Variants in VLDLR observed in about 807,000 individuals in gnomAD.
The protein encoded by VLDLR is very low density lipoprotein receptor.
In VLDLR, 81 loss-of-function variants were observed where a neutral mutation model predicts 112.7. The observed-to-expected ratio is 0.72, with a 90% CI of 0.60 to 0.86. The LOEUF is 0.86. VLDLR is among the 40% of genes least tolerant of loss of function. The pLI is 0.00. For missense variants in VLDLR, 1,237 were observed against 1,099.4 expected (o/e 1.13, Z -1.77); for synonymous variants, 436 against 384.8 (o/e 1.13, Z -1.56).
chr9:2,651,133 C>A (rs979722199), intron 15 of VLDLR, among the ~76,000 whole-genome samples: 1 of 152,110 alleles, frequency 6.6e-6, no homozygotes, highest in Non-Finnish European at 1.5e-5. Context: ...CTCGTAGTTT[C>A]CAGGAACATG....
chr9:2,634,551 C>T (rs1284771925), intron 1 of VLDLR, among the ~76,000 whole-genome samples: 1 of 152,228 alleles, frequency 6.6e-6, no homozygotes, highest in Non-Finnish European at 1.5e-5. Context: ...CCGGGCAAAA[C>T]ACCAACTGTC....
chr9:2,653,413 C>T (rs1818442276), intron 18 of VLDLR, among the ~76,000 whole-genome samples: 1 of 152,146 alleles, frequency 6.6e-6, no homozygotes, highest in African/African-American at 2.4e-5. Context: ...TTTCTTCCAG[C>T]AATAGTCACT....
chr9:2,622,062 T>C lies in VLDLR; in HGVS notation c.-128T>C. On this transcript the variant is annotated 5_prime_UTR_variant, in exon 1 of 19. Coordinates refer to ENST00000382100, the MANE Select transcript of VLDLR (RefSeq NM_003383.5). ...CCCGCTCCCTTCCCCCGCCAACTCC[T>C]TCCCCTCCTTCTCCCCCTTTCCCCT... 1 of 813,666 alleles carries C rather than the reference T, an allele frequency of 1.2e-6. No individual in the cohort carries two copies. Among genetic ancestry groups the C allele is most frequent in the Non-Finnish European group, 1.8e-6 (1 of 553,488 alleles). 50.4% of individuals were successfully genotyped at this position (813,666 alleles called of 1,614,324 possible).
intron 1 of VLDLR, among the ~76,000 whole-genome samples, chr9:2,631,125 T>A (rs1817332727): frequency 6.6e-6 from 1 of 152,328 alleles, no homozygotes; most frequent in African/African-American, 2.4e-5. Context: ...TATAATCTTA[T>A]ACCAGTCAGA....
In VLDLR at chr9:2,650,529, G is replaced by A; in HGVS notation, c.2251+13G>A. Reference sequence around the variant, plus strand: ...CGAGACTGTCAAAGTAAGGCATTTTGTGTTTCAACCACAAGTAGAACCTAC... The same window carrying A: ...CGAGACTGTCAAAGTAAGGCATTTTATGTTTCAACCACAAGTAGAACCTAC... On this transcript the variant is annotated intron_variant, in intron 15 of 18. Transcript: ENST00000382100. 1 of 1,612,726 alleles carries A rather than the reference G, an allele frequency of 6.2e-7. No homozygotes were observed. The highest frequency in any genetic ancestry group is 8.5e-7 in the Non-Finnish European group (1 of 1,179,922).
chr9:2,643,729 G>A lies in VLDLR; in HGVS notation c.922G>A (p.Asp308Asn), dbSNP rs748931860. 5.6e-6 allele frequency: 9 copies of A among 1,614,062 alleles called. No individual in the cohort carries two copies. Among genetic ancestry groups the A allele is most frequent in the Middle Eastern group, 1.6e-4 (1 of 6,084 alleles). ...TATCCGAGACTGTGTCGATGGTTCC[G>A]ATGAAGTCAACTGCAAAAATGGTAA... Reference protein sequence around the residue: ...NGIRDCVDGSDEVNCKNVNQC... With the variant: ...NGIRDCVDGSNEVNCKNVNQC... The change falls in exon 6 of 19, where the codon GAT becomes AAT. Residue 308 changes from aspartate (D) to asparagine (N), a missense_variant. By Grantham distance (23) the Asp-to-Asn change is conservative. Transcript: ENST00000382100.
intron 4 of VLDLR, among the ~76,000 whole-genome samples, chr9:2,642,434 T>A (rs907328347): frequency 3.9e-5 from 6 of 152,222 alleles, no homozygotes; most frequent in African/African-American, 1.4e-4. Context: ...TAAGCCCTGG[T>A]GCTGCCAAGT....
Position 2,650,405 on chromosome 9 carries a change from G to C in VLDLR, c.2140G>C (p.Gly714Arg). ...GTGTGAAGAAGACATGGAGAATGGA[G>C]GATGTGAATACCTATGCCTGCCAGC... Reference protein sequence around the residue: ...NWCEEDMENGGCEYLCLPAPQ... With the variant: ...NWCEEDMENGRCEYLCLPAPQ... The change falls in exon 15 of 19, where the codon GGA becomes CGA. Residue 714 changes from glycine (G) to arginine (R), a missense_variant. Gly to Arg is a moderately radical substitution (Grantham distance 125). Coordinates refer to ENST00000382100, the MANE Select transcript of VLDLR (RefSeq NM_003383.5). 1 of 1,614,070 alleles carries C rather than the reference G, an allele frequency of 6.2e-7. No individual in the cohort carries two copies. The highest frequency in any genetic ancestry group is 8.5e-7 in the Non-Finnish European group (1 of 1,180,008).
In VLDLR at chr9:2,655,871, G is replaced by T. The variant is rs1818581283; in HGVS notation, c.*2003G>T. 1 of 152,026 alleles carries T rather than the reference G, an allele frequency of 6.6e-6. No homozygotes were observed. Among genetic ancestry groups the T allele is most frequent in the African/African-American group, 2.4e-5 (1 of 41,378 alleles). The allele number at this position is 152,026 out of a possible 1,614,324, so 9.4% of individuals were successfully genotyped here. ...GCTGAAGTGCCTGTTTGGTAAGTAG[G>T]TTAGCATTCATCATGAACTCTGAAA... On this transcript the variant is annotated 3_prime_UTR_variant, in exon 19 of 19. Transcript: ENST00000382100.
At chr9:2,645,814 A>C in intron 10 of VLDLR, 69 bp downstream of exon 10, 1 of 1,585,806 alleles carries the variant, frequency 6.3e-7, no homozygotes, top group Non-Finnish European at 8.6e-7. Context: ...TCTGTGGGAT[A>C]GTTTGGAGGA....
At position 2,654,514 on chromosome 9, in the gene VLDLR, C is replaced by G. The variant is rs896834892; in HGVS notation, c.*646C>G. 5.1e-5 allele frequency: 8 copies of G among 156,882 alleles called. No homozygotes were observed. The highest frequency in any genetic ancestry group is 9.9e-5 in the Non-Finnish European group (7 of 70,732). 9.7% of individuals were successfully genotyped at this position (156,882 alleles called of 1,614,324 possible). A position where few individuals can be genotyped will look rare whatever the true frequency, so the allele number is the denominator to read the frequency against. On this transcript the variant is annotated 3_prime_UTR_variant, in exon 19 of 19. Transcript: ENST00000382100. ...TGTGCCTGTTCCTCTAGGATGAACTCCTATCCTGAGTAGTACCAAGTGTTC... is the reference window on the plus strand; with the variant it reads ...TGTGCCTGTTCCTCTAGGATGAACTGCTATCCTGAGTAGTACCAAGTGTTC...
chr9:2,642,937 A>G (rs1378789777), intron 4 of VLDLR, among the ~76,000 whole-genome samples: 1 of 152,064 alleles, frequency 6.6e-6, no homozygotes, highest in Non-Finnish European at 1.5e-5. Flanking sequence ...GTCTTCAACT[A>G]TTTTCTTGGT....
chr9:2,652,413 A>G (rs1003213103), intron 17 of VLDLR, among the ~76,000 whole-genome samples: 2 of 152,216 alleles, frequency 1.3e-5, no homozygotes, highest in African/African-American at 2.4e-5. Context: ...CGCAAATTCT[A>G]AGGACTTTGC....
intron 3 of VLDLR, 121 bp from the exon 4 acceptor site, chr9:2,641,256 A>G: frequency 6.6e-7 from 1 of 1,513,098 alleles, no homozygotes. Flanking sequence ...GCCAGTTAGT[A>G]GAATTTCACC....
chr9:2,631,480 A>T (rs1817347469), intron 1 of VLDLR, among the ~76,000 whole-genome samples: 1 of 152,254 alleles, frequency 6.6e-6, no homozygotes, highest in African/African-American at 2.4e-5. Context: ...CTATTCAGCC[A>T]TGAAAATGAA....
At chr9:2,630,924 T>G (rs1436194817) in intron 1 of VLDLR, among the ~76,000 whole-genome samples, 1 of 152,158 alleles carries the variant, frequency 6.6e-6, no homozygotes, top group African/African-American at 2.4e-5. Flanking sequence ...TGCAAACTAT[T>G]ATCTGACAGG....
At position 2,644,683 on chromosome 9, in the gene VLDLR, A is replaced by C. The variant is rs1387925029; in HGVS notation, c.1067-51A>C. The C allele has an allele frequency of 3.7e-6, 6 of 1,612,872 alleles. No homozygotes were observed. The Middle Eastern group carries it at 6.6e-4, about 177-fold the overall frequency. The stretch of plus-strand genomic sequence containing the variant: ...AAATAGCCTGGGTTTTAAATGTGAA[A>C]GATATTAATTGAAAATAAGTTGTCA... On this transcript the variant is annotated intron_variant, in intron 7 of 18. Transcript: ENST00000382100.
At chr9:2,622,832 G>C (rs1238359867) in intron 1 of VLDLR, among the ~76,000 whole-genome samples, 1 of 152,088 alleles carries the variant, frequency 6.6e-6, no homozygotes, top group Non-Finnish European at 1.5e-5. Context: ...GGGAGGCTCC[G>C]CGGAGCCGAG....
chr9:2,645,442 T>G (rs1256984190), intron 9 of VLDLR, 132 bp from the exon 10 acceptor site: 3 of 1,174,284 alleles, frequency 2.6e-6, no homozygotes, highest in Non-Finnish European at 2.5e-6. Flanking sequence ...GGGCAGGAAC[T>G]CCAGAACAGA....
Sources: gnomAD v4.1 joint callset for allele counts (sites outside exome capture counted in the v4.1 genomes callset) on GRCh38, gnomAD v4.1.1 for gene constraint, MANE v1.5 for transcripts, NCBI Gene and HGNC (gene_info 2026-07-23, HGNC 2026-07-21) for gene names.